HMGCLL1: variants seen among roughly 807,000 people sequenced by gnomAD.
The protein encoded by HMGCLL1 is 3-hydroxymethyl-3-methylglutaryl-CoA lyase, cytoplasmic.
Under a neutral mutation model 39.1 loss-of-function variants are expected in HMGCLL1, and 36 were observed. The ratio of observed to expected loss-of-function variants is 0.92; its 90% CI spans 0.71 to 1.22. The LOEUF is 1.22. Among genes scored for constraint, HMGCLL1 ranks in the 50% most tolerant of loss-of-function variants. The pLI is 0.00. For synonymous variants in HMGCLL1, 149 were observed against 144.0 expected, an observed-to-expected ratio of 1.03 and a Z score of -0.25; for missense variants, 451 against 416.5, an observed-to-expected ratio of 1.08 and a Z score of -0.72.
rs529055119 is a variant in HMGCLL1, at chr6:55,532,315, G to A, written c.297+9414C>T. Among the ~76,000 whole-genome samples, 5 of 152,112 alleles carry A rather than the reference G, an allele frequency of 3.3e-5. No homozygotes were observed. In the East Asian group the frequency reaches 9.7e-4, roughly 29 times the overall value. The stretch of plus-strand genomic sequence containing the variant: ...TTATATGTTCTGCTTGAAAATATGA[G>A]CATATTAAACAATAAAATTGCTGAC... On this transcript the variant is annotated intron_variant, in intron 3 of 8. Transcript: ENST00000274901.
At chr6:55,462,353 C>T (rs542762778) in intron 7 of HMGCLL1, among the ~76,000 whole-genome samples, 56 of 152,184 alleles carry the variant, frequency 3.7e-4, no homozygotes, top group South Asian at 2.1e-4. Context: ...CATGTATGCT[C>T]ATGTCTTCAG....
chr6:55,643,711 TTG>T, the HMGCLL1 span, among the ~76,000 whole-genome samples: 4 of 152,014 alleles, frequency 2.6e-5, no homozygotes, highest in Admixed American at 2.6e-4. Flanking sequence ...CATGCAATGT[TTG>T]TCTTTCTGTG....
the HMGCLL1 span, among the ~76,000 whole-genome samples, chr6:55,601,403 G>T: frequency 6.6e-6 from 1 of 152,128 alleles, no homozygotes; most frequent in African/African-American, 2.4e-5. Context: ...GCTTTGACTG[G>T]TTCGCATAGC....
At chr6:55,589,059 G>A in the HMGCLL1 span, among the ~76,000 whole-genome samples, 1 of 152,108 alleles carries the variant, frequency 6.6e-6, no homozygotes, top group Non-Finnish European at 1.5e-5. Context: ...ATTTTATGAG[G>A]CCAGCATCAT....
Position 55,495,561 on chromosome 6 carries a change from C to T in HMGCLL1, c.653G>A (p.Gly218Glu), listed in dbSNP as rs530404136. The change falls in exon 7 of 9, where the codon GGA becomes GAA. Residue 218 changes from glycine (G) to glutamate (E), a missense_variant. By Grantham distance (98) the Gly-to-Glu change is moderately conservative. Transcript: ENST00000274901. The stretch of plus-strand genomic sequence containing the variant: ...TGGAGTTCCCACTCCAATTGTGTCT[C>T]CTAGAGAGATCTCATAACAACCCAT... ...YGMGCYEISL[G>E]DTIGVGTPGS... 35 of 1,613,372 alleles carry T rather than the reference C, an allele frequency of 2.2e-5. No homozygotes were observed. In the Admixed American group the frequency reaches 5.8e-4, roughly 27 times the overall value.
Position 55,439,572 on chromosome 6 carries a change from C to G in HMGCLL1, c.796-13G>C, listed in dbSNP as rs780913445. ...CATTAATTCCCATCTGGAAAACAAA[C>G]CAAACCACCTAAAGCTTGTGTGTTT... On this transcript the variant is annotated splice_polypyrimidine_tract_variant and intron_variant, in intron 7 of 8. Transcript: ENST00000274901. 1 of 1,610,928 alleles carries G rather than the reference C, an allele frequency of 6.2e-7. No individual in the cohort carries two copies. Among genetic ancestry groups the G allele is most frequent in the Non-Finnish European group, 8.5e-7 (1 of 1,178,092 alleles).
the HMGCLL1 span, among the ~76,000 whole-genome samples, chr6:55,612,945 C>T: frequency 6.6e-6 from 1 of 152,068 alleles, no homozygotes. Context: ...CTAAAATTGA[C>T]AAGTGGGATC....
chr6:55,517,638 G>A (rs1365261289), intron 3 of HMGCLL1, among the ~76,000 whole-genome samples: 2 of 151,704 alleles, frequency 1.3e-5, no homozygotes, highest in East Asian at 3.9e-4. Flanking sequence ...AACAAAAAAT[G>A]CTTTTTAAAA....
At chr6:55,581,138 T>G (rs1341771535), upstream of HMGCLL1, among the ~76,000 whole-genome samples, 1 of 152,060 alleles carries the variant, frequency 6.6e-6, no homozygotes, top group Non-Finnish European at 1.5e-5. Flanking sequence ...ATAAGACCTC[T>G]AAGATAAGTC....
the HMGCLL1 span, among the ~76,000 whole-genome samples, chr6:55,678,711 A>C: frequency 6.6e-6 from 1 of 152,236 alleles, no homozygotes; most frequent in South Asian, 2.1e-4. Flanking sequence ...GTTTGTTACT[A>C]TCATTTGGCA....
intron 5 of HMGCLL1, among the ~76,000 whole-genome samples, chr6:55,509,573 T>G (rs1164358759): frequency 6.6e-6 from 1 of 151,872 alleles, no homozygotes; most frequent in African/African-American, 2.4e-5. Flanking sequence ...ATGTGTGTAG[T>G]TATAAATTAT....
intron 5 of HMGCLL1, among the ~76,000 whole-genome samples, chr6:55,503,152 C>T (rs1184656690): frequency 6.6e-6 from 1 of 151,068 alleles, no homozygotes; most frequent in African/African-American, 2.5e-5. Flanking sequence ...TGCTTTCTGC[C>T]CTTACCCTGT....
At chr6:55,523,212 A>G (rs1322552091) in intron 3 of HMGCLL1, among the ~76,000 whole-genome samples, 1 of 151,980 alleles carries the variant, frequency 6.6e-6, no homozygotes, top group Non-Finnish European at 1.5e-5. Context: ...TTGCCCTCTA[A>G]CAAGAGAGAT....
chr6:55,577,990 A>G (rs1156596692), intron 1 of HMGCLL1, among the ~76,000 whole-genome samples: 2 of 152,238 alleles, frequency 1.3e-5, no homozygotes, highest in African/African-American at 4.8e-5. Flanking sequence ...CACATATGAT[A>G]CACTAAACTG....
chr6:55,529,499 G>GA (rs5876458), intron 3 of HMGCLL1, among the ~76,000 whole-genome samples: 122 of 151,534 alleles, frequency 8.1e-4, no homozygotes, highest in African/African-American at 2.8e-3. Flanking sequence ...ACTGGCTGTG[G>GA]AAAAAAAAGG....
At chr6:55,461,210 G>T (rs1300014900) in intron 7 of HMGCLL1, among the ~76,000 whole-genome samples, 1 of 151,818 alleles carries the variant, frequency 6.6e-6, no homozygotes, top group Non-Finnish European at 1.5e-5. Context: ...GTCATCTAAG[G>T]AAGTAAAGAT....
chr6:55,591,640 T>G, the HMGCLL1 span, among the ~76,000 whole-genome samples: 2 of 151,854 alleles, frequency 1.3e-5, no homozygotes, highest in East Asian at 3.9e-4. Context: ...TGGTTTTGTT[T>G]TGTTTTCCCA....
chr6:55,507,196 T>C (rs1026603944), intron 5 of HMGCLL1, among the ~76,000 whole-genome samples: 8 of 151,780 alleles, frequency 5.3e-5, no homozygotes, highest in African/African-American at 1.9e-4. Flanking sequence ...GACTCAAACA[T>C]ACAAAAATTA....
chr6:55,611,811 C>T, the HMGCLL1 span, among the ~76,000 whole-genome samples: 2 of 152,036 alleles, frequency 1.3e-5, no homozygotes, highest in Admixed American at 1.3e-4. Flanking sequence ...ATCTCAAACT[C>T]ATAAGAGCTA....
Sources: gnomAD v4.1 joint callset for allele counts (sites outside exome capture counted in the v4.1 genomes callset) on GRCh38, gnomAD v4.1.1 for gene constraint, MANE v1.5 for transcripts, NCBI Gene and HGNC (gene_info 2026-07-23, HGNC 2026-07-21) for gene names.